The following TEKT5 variants were observed in gnomAD, a reference collection of about 807,000 sequenced individuals.
The protein encoded by TEKT5 is tektin 5, also known as tektin-5.
In TEKT5, 52 loss-of-function variants were observed where a neutral mutation model predicts 48.7. The ratio of observed to expected loss-of-function variants is 1.07; its 90% CI spans 0.86 to 1.35. TEKT5 has a LOEUF of 1.35. Among genes scored for constraint, TEKT5 ranks in the 40% most tolerant of loss-of-function variants. TEKT5 has a pLI of 0.00. For missense variants in TEKT5, 831 were observed against 641.6 expected (o/e 1.30, Z -3.19); for synonymous variants, 318 against 267.6 (o/e 1.19, Z -1.84).
intron 5 of TEKT5, among the ~76,000 whole-genome samples, chr16:10,647,023 A>G (rs1446175013): frequency 6.6e-6 from 1 of 152,192 alleles, no homozygotes; most frequent in East Asian, 1.9e-4. Context: ...AGAAGAAAAT[A>G]AAGCCTTATA....
intron 5 of TEKT5, among the ~76,000 whole-genome samples, chr16:10,655,487 G>A (rs984876659): frequency 1.3e-5 from 2 of 152,196 alleles, no homozygotes; most frequent in African/African-American, 2.4e-5. Flanking sequence ...GTAAGATTAT[G>A]TATGTTTATA....
At chr16:10,646,176 A>G (rs968944418) in intron 5 of TEKT5, among the ~76,000 whole-genome samples, 1 of 152,166 alleles carries the variant, frequency 6.6e-6, no homozygotes, top group East Asian at 1.9e-4. Flanking sequence ...TCAAGTTTAA[A>G]TGGACATCCT....
chr16:10,690,520 T>C, intron 1 of TEKT5: 1 of 964,392 alleles, frequency 1.0e-6, no homozygotes, highest in Middle Eastern at 5.3e-4. Flanking sequence ...TATTGGTGCC[T>C]ATCTCACAGG....
At chr16:10,668,077 C>G (rs138475663) in intron 5 of TEKT5, among the ~76,000 whole-genome samples, 2 of 152,240 alleles carry the variant, frequency 1.3e-5, no homozygotes, top group African/African-American at 4.8e-5. Context: ...GGAGGTTTCA[C>G]CATGTTGGCC....
intron 6 of TEKT5, among the ~76,000 whole-genome samples, chr16:10,628,049 C>T (rs1423544437): frequency 6.6e-6 from 1 of 151,904 alleles, no homozygotes; most frequent in East Asian, 1.9e-4. Context: ...TTTCACCATG[C>T]TGGTCAAGCT....
chr16:10,681,079 C>T (rs1898739958), intron 4 of TEKT5, among the ~76,000 whole-genome samples: 1 of 149,668 alleles, frequency 6.7e-6, no homozygotes, highest in Non-Finnish European at 1.5e-5. Context: ...CTGTGATATG[C>T]CCACGATCAT....
chr16:10,641,880 C>G (rs1897998567), intron 5 of TEKT5, among the ~76,000 whole-genome samples: 1 of 152,244 alleles, frequency 6.6e-6, no homozygotes, highest in Admixed American at 6.5e-5. Flanking sequence ...AACATCTCAA[C>G]TGGAATTAGG....
intron 5 of TEKT5, among the ~76,000 whole-genome samples, chr16:10,661,306 T>C (rs1279570381): frequency 1.3e-5 from 2 of 152,204 alleles, no homozygotes; most frequent in South Asian, 2.1e-4. Context: ...CTGGGGTTTC[T>C]GTGTTCAGAG....
At chr16:10,677,269 G>A (rs1262080889) in intron 4 of TEKT5, among the ~76,000 whole-genome samples, 1 of 99,304 alleles carries the variant, frequency 1.0e-5, no homozygotes, top group Non-Finnish European at 1.9e-5. Flanking sequence ...TTGTAAACGG[G>A]AATAGATGGA....
intron 5 of TEKT5, among the ~76,000 whole-genome samples, chr16:10,652,483 CACACACACACA>C (rs1898175659): frequency 7.0e-6 from 1 of 143,728 alleles, no homozygotes; most frequent in East Asian, 2.1e-4. Flanking sequence ...CACACACACA[CACACACACACA>C]CCCTCCAGGC....
intron 6 of TEKT5, among the ~76,000 whole-genome samples, chr16:10,629,648 C>T (rs1897808330): frequency 6.6e-6 from 1 of 152,234 alleles, no homozygotes. Flanking sequence ...TCCCCAGCTG[C>T]TACGAGTGAG....
At chr16:10,682,865 T>A (rs1429865619) in intron 3 of TEKT5, among the ~76,000 whole-genome samples, 1 of 152,206 alleles carries the variant, frequency 6.6e-6, no homozygotes, top group African/African-American at 2.4e-5. Flanking sequence ...TTTGAAGATA[T>A]CAATCCACAC....
intron 4 of TEKT5, among the ~76,000 whole-genome samples, chr16:10,677,086 G>C (rs141789454): frequency 6.6e-6 from 1 of 152,180 alleles, no homozygotes; most frequent in Non-Finnish European, 1.5e-5. Flanking sequence ...AGCTACTTGG[G>C]AGGCGGAGGT....
intron 5 of TEKT5, among the ~76,000 whole-genome samples, chr16:10,651,269 T>C (rs1489306443): frequency 6.6e-6 from 1 of 152,214 alleles, no homozygotes; most frequent in Non-Finnish European, 1.5e-5. Context: ...AGGCCTTCCC[T>C]GACCATCCCA....
At chr16:10,634,529 C>T (rs1897886153) in intron 6 of TEKT5, among the ~76,000 whole-genome samples, 1 of 152,120 alleles carries the variant, frequency 6.6e-6, no homozygotes, top group African/African-American at 2.4e-5. Flanking sequence ...TGTTAGTGCC[C>T]ATAGGAGGAT....
rs78467565 is a variant in TEKT5 at position 10,678,917 on chromosome 16, T to A, written c.864-2736A>T. ...GAAGTGCTTTCTGGAGTCTTTGTTC[T>A]CTAAAGATGGAGAGGACAGCTGGCT... On this transcript the variant is annotated intron_variant, in intron 4 of 6. Transcript: ENST00000283025. Among the ~76,000 whole-genome samples, 1,160 of 152,282 alleles carry A rather than the reference T, an allele frequency of 7.6e-3. 10 individuals carry two copies. Among genetic ancestry groups the A allele is most frequent in the African/African-American group, 0.026 (1,083 of 41,550 alleles).
chr16:10,677,266 C>T (rs969961313), intron 4 of TEKT5, among the ~76,000 whole-genome samples: 2 of 98,366 alleles, frequency 2.0e-5, no homozygotes, highest in Non-Finnish European at 3.8e-5. Flanking sequence ...GGGTTGTAAA[C>T]GGGAATAGAT....
At chr16:10,628,620 T>C (rs919681511) in intron 6 of TEKT5, among the ~76,000 whole-genome samples, 1 of 152,028 alleles carries the variant, frequency 6.6e-6, no homozygotes, top group African/African-American at 2.4e-5. Context: ...AGGAATGAAA[T>C]ACAGCTGGGT....
Position 10,676,195 on chromosome 16 carries a change from AG to A in TEKT5, c.864-15del. ...GGTACGGAGATCCTGCAAAGGCACA[AG>A]GGTGAGTTGCAGCAGTCCTGGAAGA... On this transcript the variant is annotated splice_polypyrimidine_tract_variant and intron_variant, in intron 4 of 6. Transcript: ENST00000283025. The A allele has an allele frequency of 2.5e-6, 4 of 1,613,528 alleles. No individual in the cohort carries two copies. Among genetic ancestry groups the A allele is most frequent in the Non-Finnish European group, 2.5e-6 (3 of 1,179,472 alleles).
Sources: gnomAD v4.1 joint callset for allele counts (sites outside exome capture counted in the v4.1 genomes callset) on GRCh38, gnomAD v4.1.1 for gene constraint, MANE v1.5 for transcripts, NCBI Gene and HGNC (gene_info 2026-07-23, HGNC 2026-07-21) for gene names.